PCDH9: variants seen among roughly 807,000 people sequenced by gnomAD.
PCDH9 encodes the protein protocadherin 9, also known as protocadherin-9.
Under a neutral mutation model 70.6 loss-of-function variants are expected in PCDH9, and 24 were observed. The ratio of observed to expected loss-of-function variants is 0.34; its 90% CI spans 0.25 to 0.48. The LOEUF is 0.48. Among genes scored for constraint, PCDH9 ranks in the 20% least tolerant of loss-of-function variants. PCDH9 has a pLI of 0.99. For missense variants in PCDH9, 1,281 were observed against 1,503.6 expected (o/e 0.85, Z 2.45); for synonymous variants, 562 against 558.5 (o/e 1.01, Z -0.09).
chr13:66,317,445 TC>T (rs1195632846), intron 4 of PCDH9, among the ~76,000 whole-genome samples: 2 of 152,192 alleles, frequency 1.3e-5, no homozygotes, highest in Non-Finnish European at 1.5e-5. Context: ...AGATCACTTA[TC>T]TCCCAGCTAT....
At chr13:66,447,869 A>G (rs1208099722) in intron 4 of PCDH9, among the ~76,000 whole-genome samples, 1 of 152,148 alleles carries the variant, frequency 6.6e-6, no homozygotes, top group Non-Finnish European at 1.5e-5. Context: ...AATCCAACTC[A>G]ACTGATTTTC....
At chr13:66,713,773 T>C (rs2078831815) in intron 3 of PCDH9, among the ~76,000 whole-genome samples, 1 of 151,688 alleles carries the variant, frequency 6.6e-6, no homozygotes, top group Non-Finnish European at 1.5e-5. Flanking sequence ...CCTCTTACTT[T>C]TATTCCTCTT....
At chr13:67,000,376 A>C (rs1481670087) in intron 2 of PCDH9, among the ~76,000 whole-genome samples, 1 of 151,320 alleles carries the variant, frequency 6.6e-6, no homozygotes, top group Non-Finnish European at 1.5e-5. Flanking sequence ...GATACACCTA[A>C]TGCTAAATGA....
chr13:67,057,233 T>C (rs1466372128), intron 2 of PCDH9, among the ~76,000 whole-genome samples: 1 of 152,120 alleles, frequency 6.6e-6, no homozygotes, highest in Non-Finnish European at 1.5e-5. Flanking sequence ...TTGAAATGCA[T>C]GATACAAAAC....
At chr13:67,128,466 G>T (rs2087031722) in intron 2 of PCDH9, among the ~76,000 whole-genome samples, 1 of 152,060 alleles carries the variant, frequency 6.6e-6, no homozygotes, top group African/African-American at 2.4e-5. Flanking sequence ...GGTGTCAAAG[G>T]GTTTACATGA....
chr13:67,193,652 C>A (rs148515527), intron 2 of PCDH9, among the ~76,000 whole-genome samples: 1 of 151,912 alleles, frequency 6.6e-6, no homozygotes, highest in East Asian at 1.9e-4. Flanking sequence ...CTATAGATTA[C>A]CTTGGATGTA....
At chr13:67,059,650 C>T (rs2085497910) in intron 2 of PCDH9, among the ~76,000 whole-genome samples, 1 of 151,258 alleles carries the variant, frequency 6.6e-6, no homozygotes, top group Non-Finnish European at 1.5e-5. Flanking sequence ...AGCTACTAAA[C>T]ACGTGCCTAA....
intron 3 of PCDH9, among the ~76,000 whole-genome samples, chr13:66,680,359 A>G (rs1419920989): frequency 6.6e-6 from 1 of 152,006 alleles, no homozygotes. Flanking sequence ...TTTCCAGTAT[A>G]GAATGAAATC....
At chr13:66,308,499 C>G (rs886607261) in intron 4 of PCDH9, among the ~76,000 whole-genome samples, 3 of 152,032 alleles carry the variant, frequency 2.0e-5, no homozygotes, top group Non-Finnish European at 4.4e-5. Flanking sequence ...GTCAGCCATG[C>G]ACAATGGCAC....
intron 3 of PCDH9, among the ~76,000 whole-genome samples, chr13:66,795,222 T>C (rs1362766013): frequency 2.0e-5 from 3 of 152,186 alleles, no homozygotes; most frequent in Non-Finnish European, 4.4e-5. Flanking sequence ...ATATACTGAC[T>C]GGATCAGCAT....
At chr13:66,968,884 T>C (rs533445413) in intron 2 of PCDH9, among the ~76,000 whole-genome samples, 1 of 152,140 alleles carries the variant, frequency 6.6e-6, no homozygotes, top group East Asian at 1.9e-4. Context: ...ATTAAAAATA[T>C]GAATGACTGA....
chr13:66,667,745 A>T (rs904679715), intron 3 of PCDH9, among the ~76,000 whole-genome samples: 1 of 152,102 alleles, frequency 6.6e-6, no homozygotes, highest in Non-Finnish European at 1.5e-5. Flanking sequence ...TCTAAAATAC[A>T]CATCTAGTAT....
At chr13:67,125,323 C>A (rs547786590) in intron 2 of PCDH9, among the ~76,000 whole-genome samples, 1 of 151,946 alleles carries the variant, frequency 6.6e-6, no homozygotes, top group Non-Finnish European at 1.5e-5. Flanking sequence ...CTGTTGCCAG[C>A]GAAAACATAA....
intron 3 of PCDH9, among the ~76,000 whole-genome samples, chr13:66,682,846 G>A (rs1181435295): frequency 6.6e-6 from 1 of 152,092 alleles, no homozygotes; most frequent in African/African-American, 2.4e-5. Context: ...GATCCATTCA[G>A]TTTCCGCAGG....
intron 3 of PCDH9, among the ~76,000 whole-genome samples, chr13:66,661,694 C>G (rs1488464959): frequency 6.6e-6 from 1 of 152,080 alleles, no homozygotes; most frequent in East Asian, 1.9e-4. Context: ...CAAATAAACA[C>G]AAACACAGAT....
intron 4 of PCDH9, among the ~76,000 whole-genome samples, chr13:66,347,759 C>T (rs1956233983): frequency 6.6e-6 from 1 of 152,150 alleles, no homozygotes; most frequent in South Asian, 2.1e-4. Context: ...CAGCTGTGTC[C>T]ATTTGGCTAA....
chr13:67,019,107 T>G (rs974377546), intron 2 of PCDH9, among the ~76,000 whole-genome samples: 2 of 151,914 alleles, frequency 1.3e-5, no homozygotes, highest in African/African-American at 4.8e-5. Flanking sequence ...AAAGTTCTCA[T>G]GAGAATCTTC....
intron 2 of PCDH9, chr13:67,201,275 A>G (rs2089204957): frequency 6.6e-6 from 1 of 152,060 alleles, no homozygotes; most frequent in South Asian, 2.1e-4. Context: ...TACTGATTAC[A>G]CCAAAAATGT....
intron 2 of PCDH9, among the ~76,000 whole-genome samples, chr13:67,051,084 A>C (rs999836381): frequency 6.6e-6 from 1 of 152,198 alleles, no homozygotes; most frequent in East Asian, 1.9e-4. Flanking sequence ...ACAAGGGATC[A>C]GACTCTGCTC....
Sources: allele counts gnomAD v4.1 joint callset (sites outside exome capture counted in the v4.1 genomes callset), GRCh38; gene constraint gnomAD v4.1.1; transcripts MANE v1.5; gene names NCBI Gene and HGNC (gene_info 2026-07-23, HGNC 2026-07-21).